The following LDLRAD4 variants were observed in gnomAD, a reference collection of about 807,000 sequenced individuals.
The protein encoded by LDLRAD4 is low-density lipoprotein receptor class A domain-containing protein 4.
LDLRAD4 carries 5 observed loss-of-function variants against 17.0 expected under a neutral mutation model. The observed-to-expected ratio is 0.29, with a 90% CI of 0.15 to 0.62. LDLRAD4 has a LOEUF of 0.62. Ranked by LOEUF, LDLRAD4 falls within the 20% of genes least tolerant of loss-of-function variation. The probability of loss-of-function intolerance (pLI) is 0.84; values close to 1 mark genes in which losing one functional copy is unlikely to be tolerated. For missense variants in LDLRAD4, 340 were observed against 424.7 expected, an observed-to-expected ratio of 0.80 and a Z score of 1.75; for synonymous variants, 168 against 171.8, an observed-to-expected ratio of 0.98 and a Z score of 0.17.
chr18:13,504,576 C>T (rs1038357728), intron 3 of LDLRAD4, among the ~76,000 whole-genome samples: 4 of 152,194 alleles, frequency 2.6e-5, no homozygotes, highest in African/African-American at 7.2e-5. Context: ...TACAGGCATG[C>T]GCTATCACGC....
chr18:13,473,712 A>G (rs2092857426), intron 3 of LDLRAD4, among the ~76,000 whole-genome samples: 1 of 143,426 alleles, frequency 7.0e-6, no homozygotes, highest in South Asian at 2.2e-4. Context: ...TATAATATAC[A>G]TATTATACAG....
At chr18:13,554,715 C>T (rs912274420) in intron 3 of LDLRAD4, among the ~76,000 whole-genome samples, 4 of 152,102 alleles carry the variant, frequency 2.6e-5, no homozygotes, top group Non-Finnish European at 5.9e-5. Context: ...ATACCTTTGA[C>T]CATTAAAAAT....
chr18:13,397,684 C>G (rs1462551516), intron 2 of LDLRAD4, among the ~76,000 whole-genome samples: 4 of 152,202 alleles, frequency 2.6e-5, no homozygotes, highest in Non-Finnish European at 5.9e-5. Context: ...GTCCTTGGCA[C>G]TCACTGAAAA....
At position 13,625,873 on chromosome 18, in the gene LDLRAD4, C is replaced by T. The variant is rs190814256; in HGVS notation, c.336+4602C>T. On this transcript the variant is annotated intron_variant, in intron 4 of 5. Coordinates refer to ENST00000359446, the Ensembl canonical transcript of LDLRAD4. ...CCCTCCTCCCTCCACCAGCAACCTC[C>T]TCCCCTCTACCAGCATCCTCCTGAC... Among the ~76,000 whole-genome samples the T allele has an allele frequency of 3.3e-3, 497 of 148,708 alleles. 2 individuals carry two copies. The highest frequency in any genetic ancestry group is 0.012 in the African/African-American group (471 of 40,024).
chr18:13,532,463 C>T (rs777663337), intron 3 of LDLRAD4, among the ~76,000 whole-genome samples: 5 of 152,164 alleles, frequency 3.3e-5, no homozygotes, highest in Non-Finnish European at 5.9e-5. Flanking sequence ...CAAGCGACCG[C>T]GTAGTTGGGA....
At chr18:13,563,212 T>C (rs1262533454) in intron 3 of LDLRAD4, among the ~76,000 whole-genome samples, 1 of 152,234 alleles carries the variant, frequency 6.6e-6, no homozygotes, top group Non-Finnish European at 1.5e-5. Flanking sequence ...ATTATGCCTG[T>C]AGAGAACATG....
rs118010626 is a variant in LDLRAD4 at position 13,289,399 on chromosome 18, A to G, written c.-383+11211A>G. Among the ~76,000 whole-genome samples the G allele has an allele frequency of 5.3e-5, 8 of 152,328 alleles. No individual in the cohort carries two copies. The East Asian group carries it at 1.5e-3, about 29-fold the overall frequency. ...AGTAAAAGCATTTTGTAGATTGCAG[A>G]ACATTGAACTGTTCAAGGATTCATA... On this transcript the variant is annotated intron_variant, in intron 1 of 5. Transcript: ENST00000359446.
chr18:13,583,593 GT>G (rs2094895787), intron 3 of LDLRAD4, among the ~76,000 whole-genome samples: 1 of 152,194 alleles, frequency 6.6e-6, no homozygotes, highest in African/African-American at 2.4e-5. Flanking sequence ...ATATCACCAC[GT>G]TCAACTGATA....
At chr18:13,588,253 C>T (rs2094960884) in intron 3 of LDLRAD4, among the ~76,000 whole-genome samples, 1 of 152,208 alleles carries the variant, frequency 6.6e-6, no homozygotes, top group South Asian at 2.1e-4. Flanking sequence ...TGTGGCTTCT[C>T]TAGCACCTGC....
At chr18:13,351,279 AT>A (rs1247421433) in intron 1 of LDLRAD4, among the ~76,000 whole-genome samples, 1 of 152,054 alleles carries the variant, frequency 6.6e-6, no homozygotes, top group Non-Finnish European at 1.5e-5. Context: ...ATGTTTTTCC[AT>A]TTGTTTGTGT....
intron 2 of LDLRAD4, chr18:13,420,393 C>T (rs1046482487): frequency 6.6e-6 from 1 of 152,180 alleles, no homozygotes; most frequent in Non-Finnish European, 1.5e-5. Flanking sequence ...GAGGAAATTA[C>T]ATAATCATAG....
chr18:13,430,188 C>T (rs2090232216), intron 2 of LDLRAD4, among the ~76,000 whole-genome samples: 1 of 152,216 alleles, frequency 6.6e-6, no homozygotes, highest in Non-Finnish European at 1.5e-5. Context: ...CTGCTGTCAA[C>T]ACCTGTGCAT....
At chr18:13,611,449 C>T (rs1388499663) in intron 3 of LDLRAD4, 1 of 985,078 alleles carries the variant, frequency 1.0e-6, no homozygotes, top group South Asian at 4.7e-5. Context: ...TCGCAGCCTG[C>T]CCTGAATTTT....
At chr18:13,500,316 G>A (rs555581515) in intron 3 of LDLRAD4, among the ~76,000 whole-genome samples, 3 of 152,294 alleles carry the variant, frequency 2.0e-5, no homozygotes, top group South Asian at 2.1e-4. Flanking sequence ...CCTCTGGAGC[G>A]CCTCCTCTGC....
intron 1 of LDLRAD4, among the ~76,000 whole-genome samples, chr18:13,386,913 TA>T (rs2085857909): frequency 2.1e-5 from 1 of 46,688 alleles, no homozygotes; most frequent in Non-Finnish European, 6.5e-5. Flanking sequence ...GATAGATAGA[TA>T]GATAGATAGA....
At chr18:13,589,454 G>A (rs980150389) in intron 3 of LDLRAD4, among the ~76,000 whole-genome samples, 1 of 152,184 alleles carries the variant, frequency 6.6e-6, no homozygotes, top group Non-Finnish European at 1.5e-5. Context: ...GACTGCAGGA[G>A]TTGCTTCTTA....
intron 3 of LDLRAD4, among the ~76,000 whole-genome samples, chr18:13,517,449 T>C (rs1398731812): frequency 6.6e-6 from 1 of 152,210 alleles, no homozygotes; most frequent in Non-Finnish European, 1.5e-5. Flanking sequence ...TGGAAAGAGC[T>C]TCCTGGTTGC....
chr18:13,402,156 C>T (rs562394119), intron 2 of LDLRAD4, among the ~76,000 whole-genome samples: 1 of 152,312 alleles, frequency 6.6e-6, no homozygotes, highest in Admixed American at 6.5e-5. Context: ...GTGCTTTTCC[C>T]TTCTTTTCCA....
chr18:13,415,370 T>C (rs1040050758), intron 2 of LDLRAD4, among the ~76,000 whole-genome samples: 1 of 152,178 alleles, frequency 6.6e-6, no homozygotes, highest in African/African-American at 2.4e-5. Context: ...AGACGAGGCT[T>C]GCGTGCCTGT....
Sources: gnomAD v4.1 joint callset for allele counts (sites outside exome capture counted in the v4.1 genomes callset) on GRCh38, gnomAD v4.1.1 for gene constraint, MANE v1.5 for transcripts, NCBI Gene and HGNC (gene_info 2026-07-23, HGNC 2026-07-21) for gene names.